The following FBXL5 variants were observed in gnomAD, a reference collection of about 807,000 sequenced individuals.
FBXL5 encodes F-box and leucine rich repeat protein 5.
FBXL5 carries 26 observed loss-of-function variants against 78.3 expected under a neutral mutation model. The ratio of observed to expected loss-of-function variants is 0.33; its 90% CI spans 0.24 to 0.46. The LOEUF is 0.46. Ranked by LOEUF, FBXL5 falls within the 20% of genes least tolerant of loss-of-function variation. The pLI is 1.00. For synonymous variants in FBXL5, 295 were observed against 282.5 expected (o/e 1.04, Z -0.45); for missense variants, 710 against 829.2 (o/e 0.86, Z 1.77).
intron 5 of FBXL5, among the ~76,000 whole-genome samples, chr4:15,632,380 T>C (rs1321114884): frequency 6.6e-6 from 1 of 152,196 alleles, no homozygotes; most frequent in Non-Finnish European, 1.5e-5. Context: ...TGGCTTAGGA[T>C]TGTCTTGGCA....
chr4:15,630,518 T>G, intron 6 of FBXL5, 148 bp downstream of exon 6: 1 of 593,046 alleles, frequency 1.7e-6, no homozygotes, highest in South Asian at 4.5e-5. Context: ...TCATTATTAT[T>G]CCTTCAAATT....
rs1714280271 is a variant in FBXL5 at position 15,636,484 on chromosome 4, A to C, written c.766+10T>G. 4 of 1,517,628 alleles carry C rather than the reference A, an allele frequency of 2.6e-6. No homozygotes were observed. The East Asian group carries it at 9.4e-5, about 36-fold the overall frequency. 94.0% of individuals were successfully genotyped at this position (1,517,628 alleles called of 1,614,324 possible). A position where few individuals can be genotyped will look rare whatever the true frequency, so the allele number is the denominator to read the frequency against. Reference sequence around the variant, plus strand: ...ATACATGAAAATATTTTAAAAACCCATTTACCTACCTCTGGCCCAATGAAC... The same window carrying C: ...ATACATGAAAATATTTTAAAAACCCCTTTACCTACCTCTGGCCCAATGAAC... On this transcript the variant is annotated intron_variant, in intron 5 of 10. Transcript: ENST00000341285.
At chr4:15,654,450 T>G (rs1716567049) in intron 1 of FBXL5, among the ~76,000 whole-genome samples, 1 of 152,180 alleles carries the variant, frequency 6.6e-6, no homozygotes, top group Non-Finnish European at 1.5e-5. Context: ...TTCTCACAGT[T>G]AAACCAACTT....
At chr4:15,664,550 C>CTTTTT (rs35319145), upstream of FBXL5, among the ~76,000 whole-genome samples, 52 of 75,518 alleles carry the variant, frequency 6.9e-4, no homozygotes, top group East Asian at 1.3e-3. Flanking sequence ...GGCCCTCATC[C>CTTTTT]TTTTTTTTTT....
intron 6 of FBXL5, among the ~76,000 whole-genome samples, chr4:15,628,511 G>A (rs1301817127): frequency 2.0e-5 from 3 of 151,468 alleles, no homozygotes; most frequent in Admixed American, 6.6e-5. Context: ...ACTCCAATTC[G>A]AAAAAAGGAA....
chr4:15,612,531 A>G (rs965625656), intron 9 of FBXL5, 117 bp from the exon 10 acceptor site: 1 of 946,294 alleles, frequency 1.1e-6, no homozygotes, highest in Non-Finnish European at 1.5e-6. Flanking sequence ...AGAAAATTTA[A>G]GAATTTCTGT....
intron 9 of FBXL5, among the ~76,000 whole-genome samples, chr4:15,614,656 A>G (rs1711588813): frequency 6.6e-6 from 1 of 151,902 alleles, no homozygotes; most frequent in African/African-American, 2.4e-5. Context: ...GCTGTGGGGG[A>G]TTAAGGTATG....
rs1047045355 is a variant in FBXL5, at chr4:15,655,300, AGCCTCCGCCTCAGCAGCCGCGGCCGCC to A, written c.-40_-14del. 4.3e-6 allele frequency: 6 copies of A among 1,395,112 alleles called. No homozygotes were observed. Among genetic ancestry groups the A allele is most frequent in the Non-Finnish European group, 5.7e-6 (6 of 1,050,702 alleles). The allele number at this position is 1,395,112 out of a possible 1,614,324, so 86.4% of individuals were successfully genotyped here. A position where few individuals can be genotyped will look rare whatever the true frequency, so the allele number is the denominator to read the frequency against. On this transcript the variant is annotated 5_prime_UTR_variant, in exon 1 of 11. Coordinates refer to ENST00000341285, the MANE Select transcript of FBXL5 (RefSeq NM_012161.4). ...GAAAGGGCGCCATCGCCACTGCCTCAGCCTCCGCCTCAGCAGCCGCGGCCGCCGCCTCTCCATAGACACCCTCGCCGC... is the reference window on the plus strand; with the variant it reads ...GAAAGGGCGCCATCGCCACTGCCTCAGCCTCTCCATAGACACCCTCGCCGC...
chr4:15,628,066 A>C (rs1713247461), intron 6 of FBXL5, 33 bp from the exon 7 acceptor site: 2 of 1,594,170 alleles, frequency 1.3e-6, no homozygotes, highest in Non-Finnish European at 1.7e-6. Context: ...CAAGAACTTG[A>C]TAAACTGATA....
At chr4:15,658,216 A>T (rs1198284918), upstream of FBXL5, among the ~76,000 whole-genome samples, 1 of 152,232 alleles carries the variant, frequency 6.6e-6, no homozygotes, top group Non-Finnish European at 1.5e-5. Flanking sequence ...ATTAGTTGTG[A>T]AAACAAGCAA....
chr4:15,664,952 ATTAAGT>A (rs941468231), intron 1 of FBXL5, among the ~76,000 whole-genome samples: 21 of 151,132 alleles, frequency 1.4e-4, no homozygotes, highest in African/African-American at 4.8e-5. Flanking sequence ...TTAATGATTC[ATTAAGT>A]TTAAGGTTGA....
In FBXL5 at chr4:15,642,940, G is replaced by C. The variant is rs145237230; in HGVS notation, c.300+1553C>G. Among the ~76,000 whole-genome samples, 455 of 152,016 alleles carry C rather than the reference G, an allele frequency of 3.0e-3. 2 individuals carry two copies. Among genetic ancestry groups the C allele is most frequent in the African/African-American group, 0.01 (429 of 41,452 alleles). On this transcript the variant is annotated intron_variant, in intron 2 of 10. Coordinates refer to ENST00000341285, the MANE Select transcript of FBXL5 (RefSeq NM_012161.4). ...TTCTCTTCTTTCATCCTCCCTTTAA[G>C]TATAATCACTACATTCTATCAATTT...
chr4:15,680,737 T>TC (rs773947476), intron 1 of FBXL5, among the ~76,000 whole-genome samples: 38 of 151,992 alleles, frequency 2.5e-4, no homozygotes, highest in Non-Finnish European at 5.0e-4. Context: ...GACTGTGTAA[T>TC]CCTACAAGAA....
At chr4:15,649,668 T>C (rs890535951) in intron 1 of FBXL5, among the ~76,000 whole-genome samples, 8 of 152,012 alleles carry the variant, frequency 5.3e-5, no homozygotes, top group Non-Finnish European at 8.8e-5. Flanking sequence ...TAAATAGTTT[T>C]TAAAATTGTT....
intron 5 of FBXL5, among the ~76,000 whole-genome samples, chr4:15,634,656 T>C (rs1244723097): frequency 1.3e-5 from 2 of 152,078 alleles, no homozygotes; most frequent in Non-Finnish European, 2.9e-5. Flanking sequence ...TGTGAGCCAC[T>C]GTGCCCGGCC....
intron 9 of FBXL5, 40 bp from the exon 10 acceptor site, chr4:15,612,454 T>C (rs764282897): frequency 3.2e-6 from 5 of 1,542,530 alleles, no homozygotes; most frequent in Non-Finnish European, 4.4e-6. Context: ...GATACTAATC[T>C]ATAAAAATGT....
intron 1 of FBXL5, among the ~76,000 whole-genome samples, chr4:15,679,632 A>T (rs1718132446): frequency 6.6e-6 from 1 of 151,868 alleles, no homozygotes; most frequent in Non-Finnish European, 1.5e-5. Context: ...GCTTTTTAAA[A>T]TTAAGCCTTC....
intron 1 of FBXL5, among the ~76,000 whole-genome samples, chr4:15,654,506 G>C (rs1455982677): frequency 6.6e-6 from 1 of 152,184 alleles, no homozygotes; most frequent in African/African-American, 2.4e-5. Flanking sequence ...AAATCCAAGA[G>C]AGAATTGCTG....
chr4:15,679,759 A>G (rs1038471170), intron 1 of FBXL5, among the ~76,000 whole-genome samples: 9 of 149,806 alleles, frequency 6.0e-5, no homozygotes, highest in Admixed American at 4.7e-4. Context: ...GTTCTTTCCA[A>G]TCCCCCTAAA....
Sources: allele counts gnomAD v4.1 joint callset (sites outside exome capture counted in the v4.1 genomes callset), GRCh38; gene constraint gnomAD v4.1.1; transcripts MANE v1.5; gene names NCBI Gene and HGNC (gene_info 2026-07-23, HGNC 2026-07-21).